The following DOCK4 variants were observed in gnomAD, a reference collection of about 807,000 sequenced individuals.
DOCK4 encodes the protein dedicator of cytokinesis 4.
DOCK4 carries 97 observed loss-of-function variants against 268.1 expected under a neutral mutation model. That is an observed-to-expected ratio of 0.36 (90% confidence interval 0.31 to 0.43). The LOEUF is 0.43. Ranked by LOEUF, DOCK4 falls within the 20% of genes least tolerant of loss-of-function variation. The pLI is 1.00. For synonymous variants in DOCK4, 954 were observed against 887.2 expected (o/e 1.08, Z -1.34); for missense variants, 2,145 against 2,455.7 (o/e 0.87, Z 2.67).
At position 111,727,755 on chromosome 7, in the gene DOCK4, G is replaced by A. The variant is rs1198600738; in HGVS notation, c.*519C>T. 6.6e-6 allele frequency: 1 copy of A among 152,324 alleles called. No individual in the cohort carries two copies. Among genetic ancestry groups the A allele is most frequent in the East Asian group, 1.9e-4 (1 of 5,200 alleles). 9.4% of individuals were successfully genotyped at this position (152,324 alleles called of 1,614,324 possible). On this transcript the variant is annotated 3_prime_UTR_variant, in exon 53 of 53. Coordinates refer to ENST00000428084, the MANE Select transcript of DOCK4 (RefSeq NM_001363540.2). ...AAAACAATTTCCAGTCCCAAGCTTT[G>A]CAACCCCTTAAGTATACTGTCTTGC...
chr7:112,161,691 G>A (rs759841596), intron 1 of DOCK4, among the ~76,000 whole-genome samples: 1 of 152,192 alleles, frequency 6.6e-6, no homozygotes, highest in South Asian at 2.1e-4. Flanking sequence ...AGGAAGGTAG[G>A]TTAAGCTCTC....
chr7:111,752,400 C>T (rs55825265), intron 42 of DOCK4, among the ~76,000 whole-genome samples: 5,719 of 151,874 alleles, frequency 0.038, 141 homozygotes, highest in South Asian at 0.063. Context: ...TCGGTGGGGG[C>T]GCTGAGGAGT....
rs530621213 is a variant in DOCK4 at position 111,948,477 on chromosome 7, G to A, written c.702-2679C>T. 2.6e-5 allele frequency among the ~76,000 whole-genome samples: 4 copies of A among 152,260 alleles called. No individual in the cohort carries two copies. In the East Asian group the frequency reaches 7.7e-4, roughly 29 times the overall value. ...TCAAGCCTGATCCCAAGAGTTCAAGGTAACTTTCTCCATACCCTTCCTGGG... is the reference window on the plus strand; with the variant it reads ...TCAAGCCTGATCCCAAGAGTTCAAGATAACTTTCTCCATACCCTTCCTGGG... On this transcript the variant is annotated intron_variant, in intron 8 of 52. Transcript: ENST00000428084.
chr7:111,937,199 C>CCCA (rs1794812807), intron 11 of DOCK4, among the ~76,000 whole-genome samples: 1 of 152,142 alleles, frequency 6.6e-6, no homozygotes, highest in Non-Finnish European at 1.5e-5. Context: ...TTCTTTGAGT[C>CCCA]CCAGAAGGGC....
rs1298908601 is a variant in DOCK4, at chr7:111,783,934, C to A, written c.3447G>T (p.Glu1149Asp). The A allele has an allele frequency of 1.9e-6, 3 of 1,605,192 alleles. No individual in the cohort carries two copies. The highest frequency in any genetic ancestry group is 1.3e-5 in the African/African-American group (1 of 74,794). ...GPYPSLLKKI[E>D]RETWRESGVS... is the part of the protein sequence containing the mutation. ...CGCCACTTTCCCGCCATGTTTCCCG[C>A]TCAATTTTCTTTAGTAGACTGGAAA... The change falls in exon 34 of 53, where the codon GAG (glutamate) becomes GAT (aspartate). Residue 1149 changes from glutamate to aspartate, a missense_variant. Coordinates refer to ENST00000428084, the MANE Select transcript of DOCK4 (RefSeq NM_001363540.2).
chr7:111,945,742 G>A lies in DOCK4; in HGVS notation c.758C>T (p.Pro253Leu), dbSNP rs202096330. 5.1e-4 allele frequency: 819 copies of A among 1,598,354 alleles called. No homozygotes were observed. The highest frequency in any genetic ancestry group is 6.5e-4 in the Non-Finnish European group (760 of 1,172,110). ...CACAAAGAGGGAGCAATGTCGTTCC[G>A]GTTTATCAGGGGCTTTGGGAAGCCC... ...RNGLPKAPDK[P>L]ERHCSLFVDL... is the part of the protein sequence containing the mutation. The change falls in exon 9 of 53, where the codon CCG becomes CTG. Residue 253 changes from proline to leucine, a missense_variant. Coordinates refer to ENST00000428084, the MANE Select transcript of DOCK4 (RefSeq NM_001363540.2).
chr7:111,859,818 C>T (rs932040272), intron 23 of DOCK4, among the ~76,000 whole-genome samples: 12 of 152,080 alleles, frequency 7.9e-5, no homozygotes, highest in African/African-American at 1.4e-4. Context: ...CCGCCCGCCT[C>T]GGCCTCCCAA....
At chr7:111,948,676 C>G (rs1231083814) in intron 8 of DOCK4, among the ~76,000 whole-genome samples, 1 of 151,518 alleles carries the variant, frequency 6.6e-6, no homozygotes, top group Non-Finnish European at 1.5e-5. Context: ...CTCATTGCAA[C>G]CTCTACCTCC....
intron 10 of DOCK4, among the ~76,000 whole-genome samples, chr7:111,944,491 G>GA (rs1396881273): frequency 1.3e-5 from 2 of 152,118 alleles, no homozygotes; most frequent in African/African-American, 4.8e-5. Context: ...TATGCTAACA[G>GA]AAATTAGAAT....
intron 1 of DOCK4, among the ~76,000 whole-genome samples, chr7:112,200,345 TCAAA>T (rs1042589032): frequency 1.3e-5 from 2 of 152,272 alleles, no homozygotes; most frequent in South Asian, 2.1e-4. Flanking sequence ...TGGGTAATAG[TCAAA>T]CAAGATTAAA....
intron 1 of DOCK4, among the ~76,000 whole-genome samples, chr7:112,089,704 G>A (rs748302523): frequency 3.3e-5 from 5 of 151,932 alleles, no homozygotes; most frequent in African/African-American, 1.2e-4. Flanking sequence ...CATGAGATCT[G>A]GTTGTTTAAA....
intron 36 of DOCK4, among the ~76,000 whole-genome samples, chr7:111,770,435 A>G (rs1254456416): frequency 6.6e-6 from 1 of 152,118 alleles, no homozygotes; most frequent in Non-Finnish European, 1.5e-5. Flanking sequence ...ATATCATTAC[A>G]TGCTTGGCAT....
intron 26 of DOCK4, among the ~76,000 whole-genome samples, chr7:111,823,204 C>CTTTTTTT (rs917904625): frequency 8.6e-6 from 1 of 116,282 alleles, no homozygotes; most frequent in African/African-American, 3.6e-5. Context: ...GGAAATATTA[C>CTTTTTTT]TTTTTTTTTT....
chr7:111,728,336 C>T lies in DOCK4; in HGVS notation c.5866G>A (p.Ala1956Thr), dbSNP rs776533850. 1.3e-6 allele frequency: 2 copies of T among 1,518,850 alleles called. No individual in the cohort carries two copies. Among genetic ancestry groups the T allele is most frequent in the Non-Finnish European group, 1.8e-6 (2 of 1,135,820 alleles). The allele number at this position is 1,518,850 out of a possible 1,614,324, so 94.1% of individuals were successfully genotyped here. A position where few individuals can be genotyped will look rare whatever the true frequency, so the allele number is the denominator to read the frequency against. Reference sequence around the variant, plus strand: ...CGCGGGCCGGGGTCAGTCCTCCGGGCCCCATTCTCCAGGTGGCTGGATCGC... The same window carrying T: ...CGCGGGCCGGGGTCAGTCCTCCGGGTCCCATTCTCCAGGTGGCTGGATCGC... ...AARSSHLENG[A>T]RRTDPGPRPR... Residue 1956 changes from alanine to threonine, a missense_variant, in exon 53 of 53, where the codon GCC becomes ACC. By Grantham distance (58) the Ala-to-Thr change is moderately conservative. Around this residue, in one of 2 missense-constraint regions of DOCK4, gnomAD observed 547 missense variants for 469.0 expected, o/e 1.17. Coordinates refer to ENST00000428084, the MANE Select transcript of DOCK4 (RefSeq NM_001363540.2).
chr7:111,985,421 G>T (rs1481404568), intron 6 of DOCK4, among the ~76,000 whole-genome samples: 1 of 152,094 alleles, frequency 6.6e-6, no homozygotes, highest in Non-Finnish European at 1.5e-5. Flanking sequence ...AACACAGAAG[G>T]CTTCTGGCAT....
chr7:111,871,547 G>A (rs999863569), intron 20 of DOCK4, among the ~76,000 whole-genome samples: 2 of 152,236 alleles, frequency 1.3e-5, no homozygotes, highest in African/African-American at 4.8e-5. Context: ...CAAGCAGCTG[G>A]CACTCAGTAA....
intron 27 of DOCK4, among the ~76,000 whole-genome samples, chr7:111,818,936 C>A (rs527846736): frequency 6.6e-6 from 1 of 152,222 alleles, no homozygotes; most frequent in Non-Finnish European, 1.5e-5. Context: ...CTTCATAACA[C>A]CCTCATATCA....
chr7:112,128,666 G>A (rs1260633597), intron 1 of DOCK4, among the ~76,000 whole-genome samples: 2 of 152,116 alleles, frequency 1.3e-5, no homozygotes, highest in Admixed American at 1.3e-4. Flanking sequence ...AGGGTTAAAT[G>A]GATTAAGGGC....
At chr7:112,091,114 G>A (rs1359323759) in intron 1 of DOCK4, among the ~76,000 whole-genome samples, 5 of 152,220 alleles carry the variant, frequency 3.3e-5, no homozygotes, top group Non-Finnish European at 5.9e-5. Flanking sequence ...TATAAAATAA[G>A]GGAAAGACCC....
Sources: gnomAD v4.1 joint callset for allele counts (sites outside exome capture counted in the v4.1 genomes callset) on GRCh38, gnomAD v4.1.1 for gene constraint, gnomAD v4.1.1 regional missense constraint, MANE v1.5 for transcripts, NCBI Gene and HGNC (gene_info 2026-07-23, HGNC 2026-07-21) for gene names.